Variants in AMBRA1 observed in about 807,000 individuals in gnomAD.
AMBRA1 encodes the protein autophagy and beclin 1 regulator 1.
Under a neutral mutation model 125.4 loss-of-function variants are expected in AMBRA1, and 47 were observed. The ratio of observed to expected loss-of-function variants is 0.37; its 90% CI spans 0.30 to 0.48. AMBRA1 has a LOEUF of 0.48. Among genes scored for constraint, AMBRA1 ranks in the 20% least tolerant of loss-of-function variants. The pLI, the probability that AMBRA1 is intolerant of heterozygous loss-of-function variation, is 0.99. For missense variants in AMBRA1, 1,331 were observed against 1,693.4 expected, an observed-to-expected ratio of 0.79 and a Z score of 3.76; for synonymous variants, 626 against 655.5, an observed-to-expected ratio of 0.95 and a Z score of 0.69.
chr11:46,568,628 C>T (rs1565307057), intron 1 of AMBRA1, among the ~76,000 whole-genome samples: 1 of 151,256 alleles, frequency 6.6e-6, no homozygotes, highest in Non-Finnish European at 1.5e-5. Flanking sequence ...TAAAATAAGC[C>T]GGGCGTGGTG....
At chr11:46,573,964 T>TCCTCTCCAGCATATG (rs2043864588) in intron 1 of AMBRA1, among the ~76,000 whole-genome samples, 1 of 144,546 alleles carries the variant, frequency 6.9e-6, no homozygotes, top group Non-Finnish European at 1.5e-5. Context: ...TGATTTCCAA[T>TCCTCTCCAGCATATG]TTCATCCATG....
chr11:46,411,720 T>C (rs1946306007), intron 15 of AMBRA1, among the ~76,000 whole-genome samples: 1 of 152,112 alleles, frequency 6.6e-6, no homozygotes, highest in African/African-American at 2.4e-5. Flanking sequence ...CTGCCCACCT[T>C]GGCCTCCCAA....
At chr11:46,473,423 A>G (rs1160324364) in intron 11 of AMBRA1, among the ~76,000 whole-genome samples, 2 of 152,232 alleles carry the variant, frequency 1.3e-5, no homozygotes, top group Non-Finnish European at 2.9e-5. Flanking sequence ...GATAACTTGC[A>G]TTTTTGTAAC....
chr11:46,556,305 C>T (rs1167111275), intron 1 of AMBRA1, among the ~76,000 whole-genome samples: 2 of 152,182 alleles, frequency 1.3e-5, no homozygotes, highest in Non-Finnish European at 2.9e-5. Context: ...CACCTGACTC[C>T]ATACAGCTCT....
intron 10 of AMBRA1, 64 bp from the exon 11 acceptor site, chr11:46,493,772 C>A (rs1042790440): frequency 1.4e-5 from 18 of 1,327,550 alleles, no homozygotes; most frequent in Non-Finnish European, 1.8e-5. Flanking sequence ...TACTAACTAC[C>A]TACACTGAAA....
intron 11 of AMBRA1, among the ~76,000 whole-genome samples, chr11:46,487,128 T>C (rs1267162601): frequency 6.6e-6 from 1 of 151,422 alleles, no homozygotes; most frequent in Non-Finnish European, 1.5e-5. Flanking sequence ...CATGGTGTTG[T>C]GTGCCTACAG....
At chr11:46,483,726 C>T (rs1271043471) in intron 11 of AMBRA1, among the ~76,000 whole-genome samples, 3 of 152,100 alleles carry the variant, frequency 2.0e-5, no homozygotes, top group Non-Finnish European at 4.4e-5. Context: ...ATGGTGAAAC[C>T]CCATCTCTAC....
At chr11:46,445,065 G>GAAAAAAAAAAAAAAAAAAAAA (rs1196067258) in intron 11 of AMBRA1, among the ~76,000 whole-genome samples, 1 of 93,308 alleles carries the variant, frequency 1.1e-5, no homozygotes. Context: ...GCAAAAAAAA[G>GAAAAAAAAAAAAAAAAAAAAA]AAAAACAAAA....
intron 11 of AMBRA1, among the ~76,000 whole-genome samples, chr11:46,453,780 G>C (rs1180193478): frequency 6.6e-6 from 1 of 152,184 alleles, no homozygotes; most frequent in Non-Finnish European, 1.5e-5. Context: ...GAAATGTTCT[G>C]AGTAAGGCAC....
At chr11:46,565,714 A>C (rs1046458551) in intron 1 of AMBRA1, among the ~76,000 whole-genome samples, 2 of 152,120 alleles carry the variant, frequency 1.3e-5, no homozygotes, top group Non-Finnish European at 2.9e-5. Flanking sequence ...TCAAAAAAAA[A>C]CGTGTATAAA....
intron 12 of AMBRA1, among the ~76,000 whole-genome samples, chr11:46,441,176 G>A (rs1947982944): frequency 6.6e-6 from 1 of 152,182 alleles, no homozygotes; most frequent in Non-Finnish European, 1.5e-5. Flanking sequence ...ACAGTTGACA[G>A]AAAAAATTGA....
chr11:46,453,744 C>T lies in AMBRA1; in HGVS notation c.2522-10146G>A, dbSNP rs566198774. Among the ~76,000 whole-genome samples, 44 of 152,236 alleles carry T rather than the reference C, an allele frequency of 2.9e-4. No individual in the cohort carries two copies. In the South Asian group the frequency reaches 8.9e-3, roughly 31 times the overall value. ...AAAATAAAATCCCAAAAAAGCACCA[C>T]GTGGCTGTCTATAATTCTGGCATAG... On this transcript the variant is annotated intron_variant, in intron 11 of 17. Transcript: ENST00000683756.
intron 1 of AMBRA1, among the ~76,000 whole-genome samples, chr11:46,583,679 A>AAAAAAAAAC (rs2044263418): frequency 7.0e-6 from 1 of 142,386 alleles, no homozygotes; most frequent in Non-Finnish European, 1.5e-5. Flanking sequence ...AAAAAAAAAA[A>AAAAAAAAAC]CAACAAAACA....
intron 14 of AMBRA1, among the ~76,000 whole-genome samples, chr11:46,419,226 G>C (rs1195886160): frequency 1.3e-5 from 2 of 152,188 alleles, no homozygotes; most frequent in Non-Finnish European, 2.9e-5. Flanking sequence ...TATTTTCTAA[G>C]TATGTAGGGT....
intron 1 of AMBRA1, among the ~76,000 whole-genome samples, chr11:46,581,797 C>CA (rs1162857231): frequency 0.079 from 5,488 of 69,726 alleles, 191 homozygotes; most frequent in Non-Finnish European, 0.11. Context: ...AAAACTCCAT[C>CA]AAAAAAAAAA....
intron 1 of AMBRA1, chr11:46,548,989 T>C (rs1224754644): frequency 2.0e-5 from 3 of 150,962 alleles, no homozygotes; most frequent in Non-Finnish European, 4.4e-5. Flanking sequence ...CAAGACTCCA[T>C]CTCAAAAAAA....
chr11:46,457,829 G>A (rs935900698), intron 11 of AMBRA1, among the ~76,000 whole-genome samples: 1 of 151,496 alleles, frequency 6.6e-6, no homozygotes, highest in Non-Finnish European at 1.5e-5. Flanking sequence ...TTGAGCCAAG[G>A]AGGGAGGTGG....
chr11:46,415,639 C>T (rs1946507060), intron 15 of AMBRA1, among the ~76,000 whole-genome samples: 1 of 152,210 alleles, frequency 6.6e-6, no homozygotes, highest in African/African-American at 2.4e-5. Flanking sequence ...AGGCTTGAGG[C>T]ATTTGCCAAC....
chr11:46,586,517 A>G (rs1320164094), intron 1 of AMBRA1, among the ~76,000 whole-genome samples: 1 of 152,188 alleles, frequency 6.6e-6, no homozygotes, highest in Non-Finnish European at 1.5e-5. Context: ...GTGGGGAAAG[A>G]GGGACAAATA....
Sources: allele counts gnomAD v4.1 joint callset (sites outside exome capture counted in the v4.1 genomes callset), GRCh38; gene constraint gnomAD v4.1.1; transcripts MANE v1.5; gene names NCBI Gene and HGNC (gene_info 2026-07-23, HGNC 2026-07-21).